Variants in RAP1A observed in about 807,000 individuals in gnomAD.
RAP1A encodes the protein ras-related protein Rap-1A.
Under a neutral mutation model 26.4 loss-of-function variants are expected in RAP1A, and 6 were observed. The observed-to-expected ratio is 0.23, with a 90% CI of 0.12 to 0.45. The LOEUF (loss-of-function observed/expected upper bound fraction) is 0.45. Among genes scored for constraint, RAP1A ranks in the 20% least tolerant of loss-of-function variants. RAP1A has a pLI of 0.99. For missense variants in RAP1A, 121 were observed against 217.2 expected, an observed-to-expected ratio of 0.56 and a Z score of 2.78; for synonymous variants, 73 against 79.4, an observed-to-expected ratio of 0.92 and a Z score of 0.43.
intron 4 of RAP1A, among the ~76,000 whole-genome samples, chr1:111,702,619 G>A (rs1662058218): frequency 2.0e-5 from 3 of 151,006 alleles, no homozygotes; most frequent in Non-Finnish European, 4.4e-5. Context: ...CCAGGCTTGA[G>A]TGCAGTGGTG....
chr1:111,624,481 C>CTTA (rs1659332572), intron 1 of RAP1A, among the ~76,000 whole-genome samples: 1 of 152,178 alleles, frequency 6.6e-6, no homozygotes, highest in Non-Finnish European at 1.5e-5. Flanking sequence ...GTCTCCTGCA[C>CTTA]ACAGTTGTGA....
intron 1 of RAP1A, among the ~76,000 whole-genome samples, chr1:111,646,431 AAAACAAAAC>A (rs1160147488): frequency 3.7e-5 from 5 of 135,078 alleles, no homozygotes; most frequent in Non-Finnish European, 6.1e-5. Flanking sequence ...AAAAAAAAAA[AAAACAAAAC>A]AAAACCTCAA....
chr1:111,561,402 G>A (rs752928645), intron 1 of RAP1A, among the ~76,000 whole-genome samples: 10 of 152,206 alleles, frequency 6.6e-5, no homozygotes, highest in African/African-American at 1.9e-4. Flanking sequence ...GATTACAGGC[G>A]TGAGCCACCG....
At chr1:111,622,624 A>G (rs1335108309) in intron 1 of RAP1A, among the ~76,000 whole-genome samples, 5 of 152,226 alleles carry the variant, frequency 3.3e-5, no homozygotes, top group Non-Finnish European at 7.3e-5. Flanking sequence ...CAAACATTCC[A>G]TGGTAATGTC....
Position 111,716,571 on chromosome 1 carries a change from G to A in RAP1A, c.*4170G>A, listed in dbSNP as rs527360471. 3 of 152,272 alleles carry A rather than the reference G, an allele frequency of 2.0e-5. No individual in the cohort carries two copies. Among genetic ancestry groups the A allele is most frequent in the South Asian group, 2.1e-4 (1 of 4,822 alleles). The allele number at this position is 152,272 out of a possible 1,614,324, so 9.4% of individuals were successfully genotyped here. A position where few individuals can be genotyped will look rare whatever the true frequency, so the allele number is the denominator to read the frequency against. On this transcript the variant is annotated 3_prime_UTR_variant, in exon 8 of 8. Coordinates refer to ENST00000369709, the MANE Select transcript of RAP1A (RefSeq NM_002884.4). ...ATGTTCGTTGGGCATGCTGAGAAGC[G>A]GCCTCCTGTGGTTCTGGGCCCAAGG...
At chr1:111,697,123 A>T (rs1661857058) in intron 3 of RAP1A, among the ~76,000 whole-genome samples, 1 of 152,138 alleles carries the variant, frequency 6.6e-6, no homozygotes, top group Non-Finnish European at 1.5e-5. Context: ...TTCTGTTAGA[A>T]CTATACTTGT....
intron 1 of RAP1A, among the ~76,000 whole-genome samples, chr1:111,650,876 A>G (rs938380973): frequency 2.6e-5 from 4 of 151,850 alleles, no homozygotes; most frequent in Non-Finnish European, 5.9e-5. Context: ...GCAACGGCTC[A>G]CTGCAACCTC....
intron 1 of RAP1A, among the ~76,000 whole-genome samples, chr1:111,597,569 GC>G (rs1353945026): frequency 6.6e-6 from 1 of 152,156 alleles, no homozygotes; most frequent in Non-Finnish European, 1.5e-5. Context: ...CTTACAGAGT[GC>G]CAGGAAAGAA....
rs1399259850 is a variant in RAP1A, at chr1:111,716,427, ATTC to A, written c.*4029_*4031del. ...ATTTATTGCCCTGTCTTGCTTAAATATTCTTGTTGAGAACAGCTGGAGGCTTTG... is the reference window on the plus strand; with the variant it reads ...ATTTATTGCCCTGTCTTGCTTAAATATTGTTGAGAACAGCTGGAGGCTTTG... On this transcript the variant is annotated 3_prime_UTR_variant, in exon 8 of 8. Coordinates refer to ENST00000369709, the MANE Select transcript of RAP1A (RefSeq NM_002884.4). 7 of 152,222 alleles carry A rather than the reference ATTC, an allele frequency of 4.6e-5. No homozygotes were observed. Among genetic ancestry groups the A allele is most frequent in the Admixed American group, 3.3e-4 (5 of 15,288 alleles). 9.4% of individuals were successfully genotyped at this position (152,222 alleles called of 1,614,324 possible).
chr1:111,599,470 G>T (rs1658626824), intron 1 of RAP1A, among the ~76,000 whole-genome samples: 1 of 152,182 alleles, frequency 6.6e-6, no homozygotes, highest in Non-Finnish European at 1.5e-5. Flanking sequence ...CTCCCAAAGT[G>T]CTAGGATTAC....
At chr1:111,602,317 T>G (rs1367145872) in intron 1 of RAP1A, 1 of 152,232 alleles carries the variant, frequency 6.6e-6, no homozygotes, top group East Asian at 1.9e-4. Context: ...GCTTTTAAAT[T>G]TTGGTCTCAT....
intron 1 of RAP1A, among the ~76,000 whole-genome samples, chr1:111,658,473 G>A (rs1236719346): frequency 6.6e-6 from 1 of 151,958 alleles, no homozygotes; most frequent in East Asian, 1.9e-4. Context: ...ATTGTTGTCT[G>A]TTAAAAAAAA....
At chr1:111,563,952 T>C (rs1390846430) in intron 1 of RAP1A, 1 of 1,612,054 alleles carries the variant, frequency 6.2e-7, no homozygotes, top group South Asian at 1.1e-5. Context: ...GACCCTTCCA[T>C]TGGTCCAACT....
At chr1:111,564,067 A>G (rs1657855663) in intron 1 of RAP1A, 2 of 731,828 alleles carry the variant, frequency 2.7e-6, no homozygotes, top group Non-Finnish European at 4.8e-6. Flanking sequence ...GGGGGTAGAG[A>G]ATTGGACATA....
At chr1:111,595,506 A>C (rs1261634948) in intron 1 of RAP1A, among the ~76,000 whole-genome samples, 1 of 152,238 alleles carries the variant, frequency 6.6e-6, no homozygotes, top group Non-Finnish European at 1.5e-5. Flanking sequence ...GTGAAAAAAA[A>C]CAGTAAAACA....
rs181965867 is a variant in RAP1A, at chr1:111,642,825, G to A, written c.-28+22891G>A. ...TTTTGAGGCAAAGTCTCGCTGTGTC[G>A]CCCAGGCTGGAGTGTAGTGTGATCT... On this transcript the variant is annotated intron_variant, in intron 1 of 7. Coordinates refer to ENST00000369709, the MANE Select transcript of RAP1A (RefSeq NM_002884.4). Among the ~76,000 whole-genome samples the A allele has an allele frequency of 4.9e-4, 63 of 129,214 alleles. 1 individual carries two copies. In the East Asian group the frequency reaches 0.013, roughly 26 times the overall value. 84.8% of individuals were successfully genotyped at this position (129,214 alleles called of 152,430 possible). A position where few individuals can be genotyped will look rare whatever the true frequency, so the allele number is the denominator to read the frequency against.
At chr1:111,552,777 T>C (rs1487872462) in intron 1 of RAP1A, among the ~76,000 whole-genome samples, 2 of 152,202 alleles carry the variant, frequency 1.3e-5, no homozygotes, top group African/African-American at 4.8e-5. Flanking sequence ...CAATTAAAAC[T>C]TTTTATGCCT....
chr1:111,564,535 C>T (rs1397707553), intron 1 of RAP1A, among the ~76,000 whole-genome samples: 24 of 121,716 alleles, frequency 2.0e-4, no homozygotes, highest in Admixed American at 5.4e-4. Context: ...TTTTTTGAGA[C>T]GGAGTCTCAC....
At chr1:111,597,520 T>G (rs1343836067) in intron 1 of RAP1A, among the ~76,000 whole-genome samples, 1 of 152,204 alleles carries the variant, frequency 6.6e-6, no homozygotes, top group Non-Finnish European at 1.5e-5. Context: ...CTGCTATATT[T>G]CTAGTGTGAC....
Sources: gnomAD v4.1 joint callset for allele counts (sites outside exome capture counted in the v4.1 genomes callset) on GRCh38, gnomAD v4.1.1 for gene constraint, MANE v1.5 for transcripts, NCBI Gene and HGNC (gene_info 2026-07-23, HGNC 2026-07-21) for gene names.